The following PPP1R21 variants were observed in gnomAD, a reference collection of about 807,000 sequenced individuals.
PPP1R21 encodes KLRAQ motif containing 1.
Under a neutral mutation model 112.8 loss-of-function variants are expected in PPP1R21, and 85 were observed. The ratio of observed to expected loss-of-function variants is 0.75; its 90% CI spans 0.63 to 0.90. The LOEUF is 0.90. Ranked by LOEUF, PPP1R21 falls within the 40% of genes least tolerant of loss-of-function variation. The pLI, the probability that PPP1R21 is intolerant of heterozygous loss-of-function variation, is 0.00. For synonymous variants in PPP1R21, 381 were observed against 322.3 expected (o/e 1.18, Z -1.95); for missense variants, 1,199 against 901.5 (o/e 1.33, Z -4.23).
intron 16 of PPP1R21, among the ~76,000 whole-genome samples, chr2:48,497,424 C>A (rs541566730): frequency 6.6e-6 from 1 of 152,256 alleles, no homozygotes; most frequent in South Asian, 2.1e-4. Context: ...TTACTGCTCT[C>A]CTCTCCCCCA....
chr2:48,480,467 T>C (rs1455412677), intron 13 of PPP1R21, among the ~76,000 whole-genome samples: 1 of 152,214 alleles, frequency 6.6e-6, no homozygotes, highest in African/African-American at 2.4e-5. Flanking sequence ...TAAAGTCCTG[T>C]CTTGTTGGGC....
Position 48,455,308 on chromosome 2 carries a change from T to C in PPP1R21, c.273+567T>C, listed in dbSNP as rs186829411. Among the ~76,000 whole-genome samples the C allele has an allele frequency of 4.6e-5, 7 of 152,086 alleles. No homozygotes were observed. In the East Asian group the frequency reaches 9.7e-4, roughly 21 times the overall value. On this transcript the variant is annotated intron_variant, in intron 3 of 21. Coordinates refer to ENST00000294952, the MANE Select transcript of PPP1R21 (RefSeq NM_001135629.3). ...ATTGCGGGCATGTGGCACTCCCAGCTAATTTTGTATGTTTAATAGAGAAGG... is the reference window on the plus strand; with the variant it reads ...ATTGCGGGCATGTGGCACTCCCAGCCAATTTTGTATGTTTAATAGAGAAGG...
chr2:48,461,001 A>G, intron 6 of PPP1R21, 137 bp from the exon 7 acceptor site: 1 of 1,376,060 alleles, frequency 7.3e-7, no homozygotes, highest in Non-Finnish European at 9.5e-7. Flanking sequence ...CTCTTTTAAC[A>G]ACTCTCTGCC....
chr2:48,483,598 A>T (rs964166457), intron 13 of PPP1R21, among the ~76,000 whole-genome samples: 9 of 152,220 alleles, frequency 5.9e-5, no homozygotes, highest in African/African-American at 2.2e-4. Context: ...ACTGCTTTAT[A>T]AGCTCATTTA....
At chr2:48,489,644 A>C (rs1183935024) in intron 14 of PPP1R21, among the ~76,000 whole-genome samples, 1 of 151,972 alleles carries the variant, frequency 6.6e-6, no homozygotes, top group African/African-American at 2.4e-5. Flanking sequence ...CTGGCTTATC[A>C]AAGGATTCTT....
intron 21 of PPP1R21, among the ~76,000 whole-genome samples, chr2:48,511,960 TA>T (rs1022103413): frequency 6.6e-6 from 1 of 152,262 alleles, no homozygotes; most frequent in Non-Finnish European, 1.5e-5. Flanking sequence ...TTGGCTGAAT[TA>T]AAAGCTGAGA....
intron 1 of PPP1R21, among the ~76,000 whole-genome samples, chr2:48,447,374 AG>A (rs1300612180): frequency 5.3e-5 from 8 of 152,210 alleles, no homozygotes; most frequent in Non-Finnish European, 1.2e-4. Flanking sequence ...AAAAGGATTA[AG>A]AGGGATTCAG....
chr2:48,471,430 T>A, intron 11 of PPP1R21, 63 bp downstream of exon 11: 2 of 1,462,222 alleles, frequency 1.4e-6, no homozygotes, highest in Admixed American at 4.6e-5. Context: ...CTGGCTGGCG[T>A]TAATAAAATA....
At chr2:48,500,734 C>T (rs866751827) in intron 17 of PPP1R21, among the ~76,000 whole-genome samples, 1 of 152,042 alleles carries the variant, frequency 6.6e-6, no homozygotes, top group Non-Finnish European at 1.5e-5. Flanking sequence ...AGGTGAAACC[C>T]CATCTCTACT....
chr2:48,505,899 T>C (rs1670352033), intron 18 of PPP1R21, among the ~76,000 whole-genome samples: 1 of 152,130 alleles, frequency 6.6e-6, no homozygotes, highest in South Asian at 2.1e-4. Context: ...GCATACTACA[T>C]GAGGCTGAGA....
chr2:48,485,992 TTA>T (rs1439291060), intron 13 of PPP1R21, among the ~76,000 whole-genome samples: 2 of 148,224 alleles, frequency 1.3e-5, no homozygotes, highest in Non-Finnish European at 1.5e-5. Context: ...ATATATACAA[TTA>T]TATATAATAT....
At chr2:48,452,425 C>T (rs1003500343) in intron 2 of PPP1R21, among the ~76,000 whole-genome samples, 1 of 151,688 alleles carries the variant, frequency 6.6e-6, no homozygotes. Flanking sequence ...TGGAGTTTAG[C>T]GAAAGGCTGG....
intron 17 of PPP1R21, among the ~76,000 whole-genome samples, chr2:48,501,762 T>C (rs1670125027): frequency 6.6e-6 from 1 of 151,916 alleles, no homozygotes. Flanking sequence ...TGAGCTATCA[T>C]TGTGCCACTG....
chr2:48,486,448 C>T (rs1489819815), intron 13 of PPP1R21, among the ~76,000 whole-genome samples, 183 bp from the exon 14 acceptor site: 2 of 152,178 alleles, frequency 1.3e-5, no homozygotes, highest in South Asian at 2.1e-4. Flanking sequence ...TTACTTCTCT[C>T]TGTTCTTTCC....
At chr2:48,442,659 G>C (rs1022779795) in intron 1 of PPP1R21, among the ~76,000 whole-genome samples, 1 of 152,198 alleles carries the variant, frequency 6.6e-6, no homozygotes, top group East Asian at 1.9e-4. Context: ...GAAGACATTG[G>C]ATAAGCGTTG....
In PPP1R21 at chr2:48,514,923, A is replaced by G. The variant is rs1670806606; in HGVS notation, c.*179A>G. On this transcript the variant is annotated 3_prime_UTR_variant, in exon 22 of 22. Transcript: ENST00000294952. ...ATTTAAAACATATTTGTAACCAGTG[A>G]GGCAAATACAGAAGTTGATGTCGGC... is the stretch of plus-strand genomic sequence containing the variant. 1 of 578,304 alleles carries G rather than the reference A, an allele frequency of 1.7e-6. No individual in the cohort carries two copies. The highest frequency in any genetic ancestry group is 3.0e-6 in the Non-Finnish European group (1 of 329,734). 35.8% of individuals were successfully genotyped at this position (578,304 alleles called of 1,614,324 possible). A position where few individuals can be genotyped will look rare whatever the true frequency, so the allele number is the denominator to read the frequency against.
In PPP1R21 at chr2:48,461,159, T is replaced by TC; in HGVS notation, c.622dup (p.His208ProfsTer2). On this transcript the variant is annotated frameshift_variant, in exon 7 of 22. Coordinates refer to ENST00000294952, the MANE Select transcript of PPP1R21 (RefSeq NM_001135629.3). LOFTEE classifies it high-confidence loss of function. ...GCAGTCAATTACAGTTAAAGACTCT[T>TC]CATGAAGATTTGTCAGGTAGATTAG... 1 of 1,581,190 alleles carries TC rather than the reference T, an allele frequency of 6.3e-7. No homozygotes were observed. The highest frequency in any genetic ancestry group is 8.5e-7 in the Non-Finnish European group (1 of 1,170,668).
At chr2:48,467,060 C>T (rs953644651) in intron 9 of PPP1R21, among the ~76,000 whole-genome samples, 1 of 152,178 alleles carries the variant, frequency 6.6e-6, no homozygotes, top group African/African-American at 2.4e-5. Context: ...GTGTAACTTT[C>T]ATCACTGGGC....
chr2:48,486,564 T>G lies in PPP1R21; in HGVS notation c.1319-67T>G, dbSNP rs1669307138. On this transcript the variant is annotated intron_variant, in intron 13 of 21. Coordinates refer to ENST00000294952, the MANE Select transcript of PPP1R21 (RefSeq NM_001135629.3). ...TAGAAGAATAGATAGGAGAAGTGAA[T>G]GGGCTGGTTATCTGTATGTGACTTA... 15 of 1,207,062 alleles carry G rather than the reference T, an allele frequency of 1.2e-5. No individual in the cohort carries two copies. In the Admixed American group the frequency reaches 2.9e-4, roughly 23 times the overall value. 74.8% of individuals were successfully genotyped at this position (1,207,062 alleles called of 1,614,324 possible). A position where few individuals can be genotyped will look rare whatever the true frequency, so the allele number is the denominator to read the frequency against.
Sources: gnomAD v4.1 joint callset for allele counts (sites outside exome capture counted in the v4.1 genomes callset) on GRCh38, gnomAD v4.1.1 for gene constraint, MANE v1.5 for transcripts, NCBI Gene and HGNC (gene_info 2026-07-23, HGNC 2026-07-21) for gene names.